The following CTNNA3 variants were observed in gnomAD, a reference collection of about 807,000 sequenced individuals.
CTNNA3 encodes catenin alpha-3.
A neutral mutation model predicts 95.7 loss-of-function variants in CTNNA3; 76 were observed. That is an observed-to-expected ratio of 0.79 (90% CI 0.66 to 0.96). The LOEUF is 0.96. Among genes scored for constraint, CTNNA3 ranks in the 40% least tolerant of loss-of-function variants. The pLI, the probability that CTNNA3 is intolerant of heterozygous loss-of-function variation, is 0.00. For missense variants in CTNNA3, 1,191 were observed against 1,089.8 expected (o/e 1.09, Z -1.31); for synonymous variants, 431 against 374.4 (o/e 1.15, Z -1.74).
chr10:67,513,709 T>C (rs113843626), intron 5 of CTNNA3, among the ~76,000 whole-genome samples: 1 of 152,154 alleles, frequency 6.6e-6, no homozygotes, highest in Admixed American at 6.5e-5. Flanking sequence ...TCCCAAACCA[T>C]GAACCCCAGT....
chr10:67,197,453 A>T (rs1057140239), intron 6 of CTNNA3, among the ~76,000 whole-genome samples: 6 of 152,004 alleles, frequency 3.9e-5, no homozygotes, highest in East Asian at 3.9e-4. Flanking sequence ...GTAGAGCATT[A>T]AAAAAAAGTA....
chr10:67,561,712 A>C (rs899420445), intron 3 of CTNNA3, among the ~76,000 whole-genome samples: 12 of 152,168 alleles, frequency 7.9e-5, no homozygotes, highest in Admixed American at 5.2e-4. Flanking sequence ...TGGTTTTTTG[A>C]AAGGATCAAC....
chr10:66,503,550 C>A (rs577618532), intron 11 of CTNNA3, among the ~76,000 whole-genome samples: 97 of 152,036 alleles, frequency 6.4e-4, no homozygotes, highest in African/African-American at 2.2e-3. Context: ...CTCACTGTAA[C>A]CTCTGCCTCC....
chr10:67,710,021 C>T (rs191503197), intron 1 of CTNNA3, among the ~76,000 whole-genome samples: 9 of 152,032 alleles, frequency 5.9e-5, no homozygotes, highest in East Asian at 3.9e-4. Flanking sequence ...ACTGCCCCTG[C>T]GGTGGAAGGA....
chr10:67,689,115 C>G (rs774323669), intron 1 of CTNNA3, among the ~76,000 whole-genome samples: 8 of 152,080 alleles, frequency 5.3e-5, no homozygotes, highest in Non-Finnish European at 1.2e-4. Context: ...AGTATTGGGA[C>G]CTTACCACTG....
At chr10:65,987,462 C>A (rs1273373296) in intron 16 of CTNNA3, among the ~76,000 whole-genome samples, 2 of 151,818 alleles carry the variant, frequency 1.3e-5, no homozygotes, top group African/African-American at 4.8e-5. Flanking sequence ...AAATGCAAAT[C>A]AAAAGCACAA....
intron 14 of CTNNA3, among the ~76,000 whole-genome samples, chr10:66,073,638 T>A (rs543771904): frequency 6.6e-6 from 1 of 152,250 alleles, no homozygotes; most frequent in East Asian, 1.9e-4. Context: ...TTTTATCCTT[T>A]ATCACATCCA....
chr10:66,023,559 A>G (rs1830739513), intron 15 of CTNNA3, among the ~76,000 whole-genome samples: 1 of 152,222 alleles, frequency 6.6e-6, no homozygotes, highest in Non-Finnish European at 1.5e-5. Context: ...AAATATAGAT[A>G]TTAGATAAAT....
intron 11 of CTNNA3, among the ~76,000 whole-genome samples, chr10:66,455,584 G>C (rs2093490304): frequency 6.6e-6 from 1 of 152,122 alleles, no homozygotes; most frequent in Non-Finnish European, 1.5e-5. Flanking sequence ...ACACCCAGAA[G>C]TTACTGGCCG....
chr10:67,208,099 G>A (rs981615353), intron 6 of CTNNA3, among the ~76,000 whole-genome samples: 2 of 152,112 alleles, frequency 1.3e-5, no homozygotes, highest in East Asian at 1.9e-4. Flanking sequence ...CAGGCCAGGC[G>A]CGGTGGCTCA....
At chr10:66,545,139 T>G (rs138266151) in intron 10 of CTNNA3, among the ~76,000 whole-genome samples, 8 of 152,114 alleles carry the variant, frequency 5.3e-5, no homozygotes, top group African/African-American at 1.9e-4. Context: ...AAACAAAAAT[T>G]AAAAGTCTAT....
intron 3 of CTNNA3, among the ~76,000 whole-genome samples, chr10:67,556,149 G>C (rs573119315): frequency 6.6e-6 from 1 of 152,056 alleles, no homozygotes; most frequent in African/African-American, 2.4e-5. Flanking sequence ...TGCTGGATTC[G>C]GTTTGCCAAT....
intron 7 of CTNNA3, among the ~76,000 whole-genome samples, chr10:66,898,409 G>T (rs972336621): frequency 6.6e-6 from 1 of 152,140 alleles, no homozygotes; most frequent in African/African-American, 2.4e-5. Context: ...AACAAAGATT[G>T]AGGCATCATA....
chr10:66,315,785 C>G (rs1403414608), intron 12 of CTNNA3, among the ~76,000 whole-genome samples: 1 of 152,004 alleles, frequency 6.6e-6, no homozygotes, highest in Non-Finnish European at 1.5e-5. Context: ...CAAGTTTATT[C>G]TCTTAGGAAC....
intron 7 of CTNNA3, among the ~76,000 whole-genome samples, chr10:66,902,756 G>A (rs1024174033): frequency 2.6e-5 from 4 of 152,136 alleles, no homozygotes; most frequent in African/African-American, 4.8e-5. Context: ...ACACCTCTAT[G>A]CAAATAAACT....
At chr10:67,183,960 G>T (rs1000886255) in intron 6 of CTNNA3, among the ~76,000 whole-genome samples, 1 of 151,828 alleles carries the variant, frequency 6.6e-6, no homozygotes, top group Non-Finnish European at 1.5e-5. Flanking sequence ...TTAAGATTAG[G>T]AAACAAAAAG....
intron 12 of CTNNA3, among the ~76,000 whole-genome samples, chr10:66,292,442 G>C (rs545744439): frequency 6.6e-6 from 1 of 152,076 alleles, no homozygotes; most frequent in Non-Finnish European, 1.5e-5. Flanking sequence ...GGTCAAAGGA[G>C]TTATCATTAA....
chr10:67,508,145 C>A (rs1839487758), intron 5 of CTNNA3, among the ~76,000 whole-genome samples: 1 of 152,076 alleles, frequency 6.6e-6, no homozygotes, highest in East Asian at 1.9e-4. Flanking sequence ...TCCCGAATAG[C>A]TGGGATTACA....
At chr10:67,344,112 T>G (rs1241635182) in intron 5 of CTNNA3, among the ~76,000 whole-genome samples, 2 of 151,938 alleles carry the variant, frequency 1.3e-5, no homozygotes, top group Non-Finnish European at 2.9e-5. Context: ...TTTTTGTCCT[T>G]CATTCTGTTG....
Sources: allele counts gnomAD v4.1 joint callset (sites outside exome capture counted in the v4.1 genomes callset), GRCh38; gene constraint gnomAD v4.1.1; transcripts MANE v1.5; gene names NCBI Gene and HGNC (gene_info 2026-07-23, HGNC 2026-07-21).